Variants in ADAMTS12 observed in about 807,000 individuals in gnomAD.
The protein encoded by ADAMTS12 is A disintegrin and metalloproteinase with thrombospondin motifs 12.
A neutral mutation model predicts 167.8 loss-of-function variants in ADAMTS12; 118 were observed. That is an observed-to-expected ratio of 0.70 (90% confidence interval 0.61 to 0.82). The LOEUF is 0.82. ADAMTS12 is among the 40% of genes least tolerant of loss of function. The probability of loss-of-function intolerance (pLI) is 0.00; values close to 1 mark genes in which losing one functional copy is unlikely to be tolerated. For synonymous variants in ADAMTS12, 704 were observed against 716.9 expected (o/e 0.98, Z 0.29); for missense variants, 1,916 against 1,998.8 (o/e 0.96, Z 0.79).
chr5:33,795,481 T>C (rs894806510), intron 2 of ADAMTS12, among the ~76,000 whole-genome samples: 15 of 152,210 alleles, frequency 9.9e-5, no homozygotes, highest in African/African-American at 3.1e-4. Flanking sequence ...AAAAAAATTT[T>C]AAATCGAAAA....
intron 2 of ADAMTS12, among the ~76,000 whole-genome samples, chr5:33,811,297 T>C (rs1374232483): frequency 2.0e-5 from 3 of 152,158 alleles, no homozygotes; most frequent in Non-Finnish European, 4.4e-5. Context: ...AAACAGATAA[T>C]AAACATATTA....
intron 15 of ADAMTS12, among the ~76,000 whole-genome samples, chr5:33,615,489 G>A (rs1738956752): frequency 6.6e-6 from 1 of 152,150 alleles, no homozygotes; most frequent in Non-Finnish European, 1.5e-5. Context: ...AGAGTAACAT[G>A]TCACTTTATC....
intron 13 of ADAMTS12, among the ~76,000 whole-genome samples, chr5:33,625,960 G>A (rs1238195545): frequency 6.6e-6 from 1 of 152,220 alleles, no homozygotes; most frequent in African/African-American, 2.4e-5. Flanking sequence ...AACACAGAAA[G>A]CCCACAACAG....
chr5:33,534,128 C>A (rs1744255041), intron 23 of ADAMTS12, among the ~76,000 whole-genome samples: 1 of 152,198 alleles, frequency 6.6e-6, no homozygotes, highest in Admixed American at 6.5e-5. Context: ...ACGCAGAGAG[C>A]CTCCTGTAAA....
At chr5:33,641,754 C>G in intron 11 of ADAMTS12, 56 bp downstream of exon 11, 3 of 1,470,532 alleles carry the variant, frequency 2.0e-6, no homozygotes, top group African/African-American at 1.4e-5. Flanking sequence ...AAGACTGCCC[C>G]CCATCCCGCC....
At chr5:33,801,049 TTGAAG>T (rs1159312217) in intron 2 of ADAMTS12, among the ~76,000 whole-genome samples, 31 of 152,104 alleles carry the variant, frequency 2.0e-4, no homozygotes, top group African/African-American at 7.5e-4. Context: ...GAGTCAGAAA[TTGAAG>T]TGATGTAGCC....
chr5:33,828,825 T>C (rs967274705), intron 2 of ADAMTS12, among the ~76,000 whole-genome samples: 7 of 152,254 alleles, frequency 4.6e-5, no homozygotes, highest in African/African-American at 1.7e-4. Context: ...CTCAGGATCT[T>C]GTTGGTGGAG....
chr5:33,851,994 T>C (rs997279618), intron 2 of ADAMTS12, among the ~76,000 whole-genome samples: 9 of 152,238 alleles, frequency 5.9e-5, no homozygotes, highest in African/African-American at 2.2e-4. Context: ...ATTCTTTCCT[T>C]ATCAAGCTCT....
chr5:33,645,837 G>T (rs752628297), intron 9 of ADAMTS12, among the ~76,000 whole-genome samples: 5 of 152,084 alleles, frequency 3.3e-5, no homozygotes, highest in Non-Finnish European at 7.4e-5. Context: ...CTTATCTGTT[G>T]GGTGCCTACT....
chr5:33,591,115 C>T (rs1579714976), intron 17 of ADAMTS12, among the ~76,000 whole-genome samples: 1 of 136,858 alleles, frequency 7.3e-6, no homozygotes, highest in African/African-American at 2.7e-5. Flanking sequence ...TATGTGTGTG[C>T]CTATGTTTGA....
intron 3 of ADAMTS12, among the ~76,000 whole-genome samples, chr5:33,741,654 A>T (rs1744591355): frequency 1.3e-5 from 2 of 151,938 alleles, no homozygotes; most frequent in African/African-American, 4.8e-5. Context: ...TTGGAGATGG[A>T]GTCTCACTCT....
intron 2 of ADAMTS12, among the ~76,000 whole-genome samples, chr5:33,766,926 C>A (rs1325245391): frequency 6.6e-6 from 1 of 152,152 alleles, no homozygotes; most frequent in African/African-American, 2.4e-5. Context: ...TTCATCCCAA[C>A]ACTCCATCTG....
At chr5:33,849,296 A>ATATATATATATGTATTGCATAGC (rs1749097235) in intron 2 of ADAMTS12, among the ~76,000 whole-genome samples, 1 of 115,952 alleles carries the variant, frequency 8.6e-6, no homozygotes, top group Non-Finnish European at 1.7e-5. Flanking sequence ...TTGCATAGCA[A>ATATATATATATGTATTGCATAGC]TATATATATA....
At chr5:33,732,975 A>C (rs1271106605) in intron 3 of ADAMTS12, among the ~76,000 whole-genome samples, 2 of 151,812 alleles carry the variant, frequency 1.3e-5, no homozygotes, top group Admixed American at 1.3e-4. Flanking sequence ...TCACAATATA[A>C]ACTGTGCAGA....
At chr5:33,753,960 T>G (rs1745083783) in intron 2 of ADAMTS12, among the ~76,000 whole-genome samples, 2 of 152,126 alleles carry the variant, frequency 1.3e-5, no homozygotes, top group Admixed American at 6.5e-5. Flanking sequence ...TCTCGTGTGT[T>G]TGTCACAGAG....
intron 3 of ADAMTS12, among the ~76,000 whole-genome samples, chr5:33,733,270 A>C (rs1744256737): frequency 6.6e-6 from 1 of 152,214 alleles, no homozygotes; most frequent in Non-Finnish European, 1.5e-5. Flanking sequence ...AATCCAGATT[A>C]AAACTGTTAA....
chr5:33,804,259 T>G (rs917331592), intron 2 of ADAMTS12, among the ~76,000 whole-genome samples: 1 of 152,214 alleles, frequency 6.6e-6, no homozygotes, highest in Non-Finnish European at 1.5e-5. Flanking sequence ...CCCCTTGACT[T>G]TGGGCTCATC....
chr5:33,860,996 A>T (rs1749595115), intron 2 of ADAMTS12, among the ~76,000 whole-genome samples: 1 of 152,214 alleles, frequency 6.6e-6, no homozygotes, highest in South Asian at 2.1e-4. Flanking sequence ...AGATTTTGTC[A>T]CCACCAGGCC....
intron 1 of ADAMTS12, among the ~76,000 whole-genome samples, chr5:33,887,670 T>C (rs1580025504): frequency 6.6e-6 from 1 of 152,200 alleles, no homozygotes; most frequent in South Asian, 2.1e-4. Context: ...CAAGGCATCT[T>C]TTTCCCTCAG....
Sources: allele counts gnomAD v4.1 joint callset (sites outside exome capture counted in the v4.1 genomes callset), GRCh38; gene constraint gnomAD v4.1.1; transcripts MANE v1.5; gene names NCBI Gene and HGNC (gene_info 2026-07-23, HGNC 2026-07-21).